Variants in MEGF9 observed in about 807,000 individuals in gnomAD.
MEGF9 encodes the protein multiple EGF like domains 9.
A neutral mutation model predicts 46.8 loss-of-function variants in MEGF9; 6 were observed. That is an observed-to-expected ratio of 0.13 (90% CI 0.07 to 0.25). The LOEUF (loss-of-function observed/expected upper bound fraction) is 0.25. Among genes scored for constraint, MEGF9 ranks in the 10% least tolerant of loss-of-function variants. MEGF9 has a pLI of 1.00. For missense variants in MEGF9, 683 were observed against 792.4 expected (o/e 0.86, Z 1.66); for synonymous variants, 302 against 330.7 (o/e 0.91, Z 0.94).
chr9:120,693,474 T>A (rs2043860548), intron 1 of MEGF9, among the ~76,000 whole-genome samples: 1 of 152,172 alleles, frequency 6.6e-6, no homozygotes, highest in Admixed American at 6.5e-5. Context: ...CACAAGATCA[T>A]CAACTAAAAG....
At chr9:120,614,224 C>T (rs1302452108) in intron 3 of MEGF9, among the ~76,000 whole-genome samples, 6 of 152,038 alleles carry the variant, frequency 3.9e-5, no homozygotes, top group Non-Finnish European at 5.9e-5. Context: ...GGTTTCACTA[C>T]GTTGGCCAGG....
chr9:120,702,399 A>G (rs950497868), intron 1 of MEGF9, among the ~76,000 whole-genome samples: 1 of 152,232 alleles, frequency 6.6e-6, no homozygotes, highest in African/African-American at 2.4e-5. Context: ...ATTCATTTTT[A>G]AATGTTATTC....
chr9:120,693,060 G>A (rs1412296503), intron 1 of MEGF9, among the ~76,000 whole-genome samples: 1 of 151,988 alleles, frequency 6.6e-6, no homozygotes, highest in Non-Finnish European at 1.5e-5. Context: ...GTGCACAGTG[G>A]GTGATTAACA....
intron 1 of MEGF9, among the ~76,000 whole-genome samples, chr9:120,661,509 C>G (rs1587987858): frequency 6.6e-6 from 1 of 152,274 alleles, no homozygotes; most frequent in East Asian, 1.9e-4. Context: ...AGAGTGAGAC[C>G]TGTCTCATAA....
chr9:120,713,759 T>C lies in MEGF9; in HGVS notation c.600A>G (p.Pro200=), dbSNP rs2043964036. The change falls in exon 1 of 6, where the codon CCA becomes CCG. Residue 200 remains proline (P), a splice_region_variant and synonymous_variant. Transcript: ENST00000373930. ...PATEAPSSPP[P]EYVCNCSVVG... is the part of the protein sequence containing the mutation. ...CCCGAGAGGGAGCGCCGGACTCACC[T>C]GGAGGAGGCGAAGAGGGGGCCTCGG... 6.2e-6 allele frequency: 8 copies of C among 1,286,492 alleles called. No homozygotes were observed. The highest frequency in any genetic ancestry group is 2.7e-4 in the Middle Eastern group (1 of 3,664). 79.7% of individuals were successfully genotyped at this position (1,286,492 alleles called of 1,614,324 possible). A position where few individuals can be genotyped will look rare whatever the true frequency, so the allele number is the denominator to read the frequency against.
At chr9:120,703,576 G>C (rs2132344673) in intron 1 of MEGF9, among the ~76,000 whole-genome samples, 1 of 152,318 alleles carries the variant, frequency 6.6e-6, no homozygotes, top group African/African-American at 2.4e-5. Flanking sequence ...CTGCCAAAGT[G>C]TTAAATATCA....
Position 120,607,733 on chromosome 9 carries a change from A to C in MEGF9, c.1357+8T>G, listed in dbSNP as rs1259848004. 6.2e-7 allele frequency: 1 copy of C among 1,607,266 alleles called. No individual in the cohort carries two copies. The highest frequency in any genetic ancestry group is 8.5e-7 in the Non-Finnish European group (1 of 1,174,002). ...ATTAAATTTACAATCACTTAGGTGA[A>C]GTTTTACCTTTCTTGATGCAATTTC... On this transcript the variant is annotated splice_region_variant and intron_variant, in intron 5 of 5. Coordinates refer to ENST00000373930, the MANE Select transcript of MEGF9 (RefSeq NM_001080497.3).
chr9:120,619,189 T>C (rs922556560), intron 3 of MEGF9, among the ~76,000 whole-genome samples: 53 of 150,854 alleles, frequency 3.5e-4, no homozygotes, highest in African/African-American at 1.2e-3. Context: ...CTACTAAAAA[T>C]ACAAAAAATT....
rs2043412153 is a variant in MEGF9 at position 120,604,663 on chromosome 9, T to C, written c.*527A>G. The C allele has an allele frequency of 6.4e-6, 1 of 156,212 alleles. No homozygotes were observed. The highest frequency in any genetic ancestry group is 1.4e-5 in the Non-Finnish European group (1 of 70,142). 9.7% of individuals were successfully genotyped at this position (156,212 alleles called of 1,614,324 possible). On this transcript the variant is annotated 3_prime_UTR_variant, in exon 6 of 6. Transcript: ENST00000373930. ...CAAGCCCTTCTGAAGATCTTGGGAC[T>C]TTTCTACCCCTGTTCTAGAAACAAT... is the stretch of plus-strand genomic sequence containing the variant.
chr9:120,658,443 A>G (rs2043687281), intron 2 of MEGF9, among the ~76,000 whole-genome samples: 1 of 152,244 alleles, frequency 6.6e-6, no homozygotes. Context: ...TTCAGTCCAT[A>G]ATATTCCTTT....
At chr9:120,644,358 T>C (rs1279093229) in intron 2 of MEGF9, among the ~76,000 whole-genome samples, 2 of 152,230 alleles carry the variant, frequency 1.3e-5, no homozygotes, top group Non-Finnish European at 2.9e-5. Context: ...ACAAATGTAA[T>C]GTATCTTTCT....
Position 120,713,833 on chromosome 9 carries a change from C to G in MEGF9, c.526G>C (p.Asp176His). Residue 176 changes from aspartate to histidine, a missense_variant, in exon 1 of 6, where the codon GAT becomes CAT. Asp to His is a moderately conservative substitution (Grantham distance 81). This residue lies in a region of MEGF9 where 370 missense variants were observed against 371.3 expected (regional missense o/e 1.00). Transcript: ENST00000373930. ...APTTPRTPTPDLPSSSNSSVL... is the reference protein window; with the variant it reads ...APTTPRTPTPHLPSSSNSSVL... ...CTGCTGTTGCTGCTGCTGGGGAGAT[C>G]GGGGGTCGGGGTCCGGGGAGTCGTG... 7.8e-7 allele frequency: 1 copy of G among 1,278,312 alleles called. No individual in the cohort carries two copies. The highest frequency in any genetic ancestry group is 9.9e-7 in the Non-Finnish European group (1 of 1,010,926). 79.2% of individuals were successfully genotyped at this position (1,278,312 alleles called of 1,614,324 possible). A position where few individuals can be genotyped will look rare whatever the true frequency, so the allele number is the denominator to read the frequency against.
intron 4 of MEGF9, among the ~76,000 whole-genome samples, chr9:120,610,741 G>T (rs2132298325): frequency 6.6e-6 from 1 of 152,202 alleles, no homozygotes; most frequent in Non-Finnish European, 1.5e-5. Context: ...ATTTCCTACT[G>T]GGAGGTATAG....
intron 2 of MEGF9, among the ~76,000 whole-genome samples, chr9:120,630,356 CT>C (rs774738148): frequency 3.9e-5 from 6 of 152,118 alleles, no homozygotes; most frequent in Non-Finnish European, 7.4e-5. Flanking sequence ...GAATTTCATT[CT>C]TTTTTATGGC....
rs190840077 is a variant in MEGF9, at chr9:120,667,170, T to C, written c.602-7595A>G. 4.6e-5 allele frequency among the ~76,000 whole-genome samples: 7 copies of C among 152,318 alleles called. No homozygotes were observed. In the East Asian group the frequency reaches 1.3e-3, roughly 29 times the overall value. ...GCCTTGGTGTCCCACAAGCAACTATTTCAACTGAACTTGGCACTAACGTCC... is the reference window on the plus strand; with the variant it reads ...GCCTTGGTGTCCCACAAGCAACTATCTCAACTGAACTTGGCACTAACGTCC... On this transcript the variant is annotated intron_variant, in intron 1 of 5. Transcript: ENST00000373930.
intron 2 of MEGF9, among the ~76,000 whole-genome samples, chr9:120,636,810 G>A (rs1053461214): frequency 6.6e-6 from 1 of 151,622 alleles, no homozygotes; most frequent in African/African-American, 2.4e-5. Flanking sequence ...CCCCGTCTGG[G>A]AGGTGGGGGG....
At chr9:120,685,204 C>T (rs1253920018) in intron 1 of MEGF9, among the ~76,000 whole-genome samples, 1 of 152,158 alleles carries the variant, frequency 6.6e-6, no homozygotes, top group Admixed American at 6.5e-5. Flanking sequence ...AGGCTGCAAG[C>T]AATACAGACA....
chr9:120,622,471 T>C lies in MEGF9; in HGVS notation c.943+145A>G, dbSNP rs6478480. 3,330 of 504,780 alleles carry C rather than the reference T, an allele frequency of 6.6e-3. 111 individuals are homozygous for C. Among genetic ancestry groups the C allele is most frequent in the African/African-American group, 0.061 (3,065 of 49,940 alleles). 31.3% of individuals were successfully genotyped at this position (504,780 alleles called of 1,614,324 possible). On this transcript the variant is annotated intron_variant, in intron 3 of 5. Coordinates refer to ENST00000373930, the MANE Select transcript of MEGF9 (RefSeq NM_001080497.3). ...TTTTTCAAGTTTGTTGTAGCAGGAG[T>C]TTGGCTTGCTGTGATCTAGTACATC... is the stretch of plus-strand genomic sequence containing the variant.
intron 1 of MEGF9, among the ~76,000 whole-genome samples, chr9:120,661,065 G>A (rs1389796017): frequency 6.6e-6 from 1 of 152,306 alleles, no homozygotes; most frequent in Middle Eastern, 3.4e-3. Flanking sequence ...GTAATCACAA[G>A]CAGCTTATTT....
Sources: gnomAD v4.1 joint callset for allele counts (sites outside exome capture counted in the v4.1 genomes callset) on GRCh38, gnomAD v4.1.1 for gene constraint, gnomAD v4.1.1 regional missense constraint, MANE v1.5 for transcripts, NCBI Gene and HGNC (gene_info 2026-07-23, HGNC 2026-07-21) for gene names.